Variants in TACC1 observed in about 807,000 individuals in gnomAD.
TACC1 encodes the protein transforming acidic coiled-coil-containing protein 1.
In TACC1, 48 loss-of-function variants were observed where a neutral mutation model predicts 84.4. The observed-to-expected ratio is 0.57, with a 90% CI of 0.45 to 0.72. The LOEUF is 0.72. Ranked by LOEUF, TACC1 falls within the 30% of genes least tolerant of loss-of-function variation. TACC1 has a pLI of 0.00. For missense variants in TACC1, 920 were observed against 973.0 expected (o/e 0.95, Z 0.72); for synonymous variants, 372 against 376.3 (o/e 0.99, Z 0.13).
chr8:38,838,595 A>G (rs762137950), intron 8 of TACC1, 49 bp downstream of exon 8: 1 of 1,430,748 alleles, frequency 7.0e-7, no homozygotes, highest in Non-Finnish European at 9.9e-7. Context: ...ATGCACTGTT[A>G]GATTTGATAC....
intron 1 of TACC1, among the ~76,000 whole-genome samples, chr8:38,740,330 A>T (rs1806819958): frequency 6.6e-6 from 1 of 152,264 alleles, no homozygotes; most frequent in African/African-American, 2.4e-5. Context: ...CCCTTCTTGC[A>T]TTAATTATCT....
chr8:38,843,287 A>G lies in TACC1; in HGVS notation c.2122-2A>G. 6.3e-7 allele frequency: 1 copy of G among 1,574,946 alleles called. No individual in the cohort carries two copies. The highest frequency in any genetic ancestry group is 8.6e-7 in the Non-Finnish European group (1 of 1,161,982). ...TTATTTTCAATTTTTGCTTTGGAAC[A>G]GAATGAAGAAGCCTTGAAGAAATGT... On this transcript the variant is annotated splice_acceptor_variant, in intron 10 of 12. Transcript: ENST00000317827. LOFTEE classifies it high-confidence loss of function.
At position 38,736,287 on chromosome 8, in the gene TACC1, T is replaced by G. The variant is rs183168514; in HGVS notation, c.-674-6064T>G. Among the ~76,000 whole-genome samples the G allele has an allele frequency of 2.1e-3, 326 of 152,262 alleles. 2 individuals carry two copies. Among genetic ancestry groups the G allele is most frequent in the Non-Finnish European group, 3.7e-3 (253 of 68,014 alleles). ...AATACAGTAAGATATTTACAAATAATAAAACATTGTTCCAAATAAGATAAC... is the reference window on the plus strand; with the variant it reads ...AATACAGTAAGATATTTACAAATAAGAAAACATTGTTCCAAATAAGATAAC... On this transcript the variant is annotated intron_variant, in intron 1 of 14. Coordinates refer to the TACC1 transcript ENST00000518415.
intron 2 of TACC1, among the ~76,000 whole-genome samples, chr8:38,810,544 C>G (rs1823841244): frequency 6.6e-6 from 1 of 152,090 alleles, no homozygotes; most frequent in Non-Finnish European, 1.5e-5. Flanking sequence ...GTTGAGGCTG[C>G]AGTGACCTAC....
chr8:38,813,090 T>A (rs1824598404), intron 2 of TACC1, among the ~76,000 whole-genome samples: 1 of 152,208 alleles, frequency 6.6e-6, no homozygotes, highest in Non-Finnish European at 1.5e-5. Context: ...TCCCTTTACC[T>A]CAAACGCCCT....
chr8:38,814,899 A>T (rs1194138502), intron 2 of TACC1, among the ~76,000 whole-genome samples: 1 of 152,274 alleles, frequency 6.6e-6, no homozygotes, highest in Non-Finnish European at 1.5e-5. Context: ...TAAATTGTAC[A>T]CAAGAAAATA....
At chr8:38,783,474 T>A (rs2151957132), upstream of TACC1, among the ~76,000 whole-genome samples, 1 of 151,588 alleles carries the variant, frequency 6.6e-6, no homozygotes, top group Non-Finnish European at 1.5e-5. Context: ...CAGGCTGAAG[T>A]ACAGTGGCAT....
intron 2 of TACC1, among the ~76,000 whole-genome samples, chr8:38,797,409 C>T (rs913238542): frequency 2.0e-5 from 3 of 152,196 alleles, no homozygotes; most frequent in Admixed American, 6.5e-5. Flanking sequence ...TTTCCCATTG[C>T]TTTCTTCCTT....
At chr8:38,847,321 C>G (rs1214930601) in intron 12 of TACC1, among the ~76,000 whole-genome samples, 1 of 152,150 alleles carries the variant, frequency 6.6e-6, no homozygotes, top group Non-Finnish European at 1.5e-5. Flanking sequence ...TCCTACAATG[C>G]ACAGGACAGC....
At chr8:38,789,134 C>G (rs909193801) in intron 2 of TACC1, among the ~76,000 whole-genome samples, 1 of 152,172 alleles carries the variant, frequency 6.6e-6, no homozygotes, top group African/African-American at 2.4e-5. Context: ...TTCACAAATT[C>G]CTCAGGCTAA....
At position 38,731,737 on chromosome 8, in the gene TACC1, A is replaced by AAACAACAACAACAACAACAAC. The variant is rs56770897; in HGVS notation, c.-675+3078_-675+3098dup. On this transcript the variant is annotated intron_variant, in intron 1 of 14. Transcript: ENST00000518415. ...GCTGTTCTCCCAGAGATAAAACTGAAAACAACAACAACAACAACAACAACA... is the reference window on the plus strand; with the variant it reads ...GCTGTTCTCCCAGAGATAAAACTGAAAACAACAACAACAACAACAACAACAACAACAACAACAACAACAACA... 1.4e-4 allele frequency among the ~76,000 whole-genome samples: 18 copies of AAACAACAACAACAACAACAAC among 133,148 alleles called. No homozygotes were observed. In the East Asian group the frequency reaches 3.4e-3, roughly 25 times the overall value. The allele number at this position is 133,148 out of a possible 152,430, so 87.4% of individuals were successfully genotyped here. A position where few individuals can be genotyped will look rare whatever the true frequency, so the allele number is the denominator to read the frequency against.
At chr8:38,803,900 G>T (rs761854764) in intron 2 of TACC1, among the ~76,000 whole-genome samples, 1 of 152,156 alleles carries the variant, frequency 6.6e-6, no homozygotes, top group Non-Finnish European at 1.5e-5. Context: ...CTTTTCTTTG[G>T]AGGAAGTTTT....
chr8:38,753,926 TTTC>T (rs1809513032), intron 3 of TACC1, among the ~76,000 whole-genome samples: 1 of 142,422 alleles, frequency 7.0e-6, no homozygotes, highest in Non-Finnish European at 1.6e-5. Context: ...TCTTTCTTTC[TTTC>T]TTCTTTCTCT....
intron 3 of TACC1, among the ~76,000 whole-genome samples, chr8:38,756,191 G>A (rs1392416632): frequency 6.6e-6 from 1 of 152,004 alleles, no homozygotes; most frequent in African/African-American, 2.4e-5. Context: ...GCCCTGGGAA[G>A]GACAGCGATA....
intron 7 of TACC1, among the ~76,000 whole-genome samples, chr8:38,836,658 T>TA (rs1048249413): frequency 1.3e-5 from 2 of 152,256 alleles, no homozygotes; most frequent in African/African-American, 2.4e-5. Context: ...TTTGCAGTAA[T>TA]ACACAGTTGT....
chr8:38,823,934 A>G, intron 3 of TACC1: 1 of 1,282,922 alleles, frequency 7.8e-7, no homozygotes, highest in Non-Finnish European at 1.0e-6. Flanking sequence ...TCTTTACATG[A>G]TTTTTTTCTC....
At chr8:38,824,142 G>A (rs2152242058) in intron 3 of TACC1, 1 of 860,700 alleles carries the variant, frequency 1.2e-6, no homozygotes, top group Non-Finnish European at 1.7e-6. Context: ...ATCTTCTGAT[G>A]ATTTTTTTGC....
At chr8:38,834,402 C>G (rs1436501291) in intron 6 of TACC1, among the ~76,000 whole-genome samples, 1 of 152,152 alleles carries the variant, frequency 6.6e-6, no homozygotes, top group African/African-American at 2.4e-5. Context: ...TAATGAGTCA[C>G]TAGGTCCAGC....
At chr8:38,798,625 GTGTGTGTGTGTGTGTA>G (rs1820567029) in intron 2 of TACC1, among the ~76,000 whole-genome samples, 1 of 151,674 alleles carries the variant, frequency 6.6e-6, no homozygotes, top group African/African-American at 2.4e-5. Context: ...GTGTGTGTGT[GTGTGTGTGTGTGTGTA>G]TGTGTATTTT....
Sources: allele counts gnomAD v4.1 joint callset (sites outside exome capture counted in the v4.1 genomes callset), GRCh38; gene constraint gnomAD v4.1.1; transcripts MANE v1.5; gene names NCBI Gene and HGNC (gene_info 2026-07-23, HGNC 2026-07-21).